AK9: variants seen among roughly 807,000 people sequenced by gnomAD.
The protein encoded by AK9 is adenylate kinase 9.
AK9 carries 191 observed loss-of-function variants against 239.6 expected under a neutral mutation model. The observed-to-expected ratio is 0.80, with a 90% CI of 0.71 to 0.90. The LOEUF (loss-of-function observed/expected upper bound fraction) is 0.90, where lower values mean the gene tolerates loss of function less well. AK9 is among the 40% of genes least tolerant of loss of function. The pLI is 0.00. For synonymous variants in AK9, 689 were observed against 721.0 expected, an observed-to-expected ratio of 0.96 and a Z score of 0.71; for missense variants, 1,995 against 2,214.7, an observed-to-expected ratio of 0.90 and a Z score of 1.99.
chr6:109,581,401 A>C (rs1788840425), intron 19 of AK9, among the ~76,000 whole-genome samples: 2 of 152,202 alleles, frequency 1.3e-5, no homozygotes, highest in Admixed American at 6.5e-5. Context: ...TCTTCAAGGA[A>C]ATTAAATGTG....
At chr6:109,589,704 T>C (rs570948925) in intron 17 of AK9, among the ~76,000 whole-genome samples, 1 of 152,278 alleles carries the variant, frequency 6.6e-6, no homozygotes, top group South Asian at 2.1e-4. Context: ...GTGGGTTTGT[T>C]ATATACGGCC....
chr6:109,654,363 G>C (rs1248013894), intron 8 of AK9, among the ~76,000 whole-genome samples: 1 of 151,766 alleles, frequency 6.6e-6, no homozygotes, highest in African/African-American at 2.4e-5. Context: ...TTTTGAGACG[G>C]AGTCTTGCTC....
chr6:109,568,263 T>C (rs1786877903), intron 21 of AK9, among the ~76,000 whole-genome samples: 1 of 152,176 alleles, frequency 6.6e-6, no homozygotes, highest in Non-Finnish European at 1.5e-5. Context: ...AAACTAGTTA[T>C]TGATGAGACG....
chr6:109,660,900 G>C (rs1800331712), intron 6 of AK9: 3 of 490,318 alleles, frequency 6.1e-6, no homozygotes, highest in Admixed American at 2.2e-5. Flanking sequence ...GATAACTACT[G>C]CTCTAGTAGA....
At position 109,614,186 on chromosome 6, in the gene AK9, C is replaced by A. The variant is rs1793892344; in HGVS notation, c.1606G>T (p.Asp536Tyr). ...GATTAGCAGTTCACTTTGTTACCATCTTTATCAACTTTAGCAGCTTGATCA... is the reference window on the plus strand; with the variant it reads ...GATTAGCAGTTCACTTTGTTACCATATTTATCAACTTTAGCAGCTTGATCA... ...LHDQAAKVDK[D>Y]DGKETGETFT... is the part of the protein sequence containing the mutation. The change falls in exon 15 of 41, where the codon GAT (aspartate) becomes TAT (tyrosine). Residue 536 changes from aspartate (D) to tyrosine (Y), a missense_variant. Transcript: ENST00000424296. 1 of 1,550,470 alleles carries A rather than the reference C, an allele frequency of 6.4e-7. No individual in the cohort carries two copies. The highest frequency in any genetic ancestry group is 8.7e-7 in the Non-Finnish European group (1 of 1,146,144).
At chr6:109,570,867 T>C (rs1339179518) in intron 21 of AK9, among the ~76,000 whole-genome samples, 1 of 152,126 alleles carries the variant, frequency 6.6e-6, no homozygotes, top group Non-Finnish European at 1.5e-5. Flanking sequence ...ATCATTCACA[T>C]ACCAGCAAAG....
intron 1 of AK9, among the ~76,000 whole-genome samples, chr6:109,686,805 G>A (rs1016098273): frequency 6.6e-6 from 1 of 152,200 alleles, no homozygotes; most frequent in East Asian, 1.9e-4. Context: ...GCAACTGGAA[G>A]TATCCACTAT....
In AK9 at chr6:109,579,638, A is replaced by C; in HGVS notation, c.2115-12T>G. 6.5e-7 allele frequency: 1 copy of C among 1,548,624 alleles called. No homozygotes were observed. The highest frequency in any genetic ancestry group is 8.7e-7 in the Non-Finnish European group (1 of 1,145,228). ...CTTCTGTGGCTTTTCTGAAATGAAA[A>C]GGTTCAAATTTAATTATCTTTGGAA... On this transcript the variant is annotated splice_polypyrimidine_tract_variant and intron_variant, in intron 19 of 40. Coordinates refer to ENST00000424296, the MANE Select transcript of AK9 (RefSeq NM_001145128.3).
intron 17 of AK9, among the ~76,000 whole-genome samples, chr6:109,602,096 G>T (rs373706078): frequency 3.3e-5 from 5 of 152,160 alleles, no homozygotes; most frequent in African/African-American, 1.2e-4. Context: ...ATATTGTTAT[G>T]TGTGAATTTG....
chr6:109,654,978 C>T (rs1302060449), intron 8 of AK9, among the ~76,000 whole-genome samples: 1 of 152,174 alleles, frequency 6.6e-6, no homozygotes, highest in Non-Finnish European at 1.5e-5. Context: ...CCTCCCTCAA[C>T]ATATAAGGCA....
In AK9 at chr6:109,614,543, G is replaced by A. The variant is rs971310041; in HGVS notation, c.1400-63C>T. 6.0e-6 allele frequency: 8 copies of A among 1,329,450 alleles called. No homozygotes were observed. The African/African-American group carries it at 1.2e-4, about 19-fold the overall frequency. The allele number at this position is 1,329,450 out of a possible 1,614,324, so 82.4% of individuals were successfully genotyped here. Reference sequence around the variant, plus strand: ...TTGGGGATAGAAAAACAGGTAGAGTGACCAAAAGCCCCTGCTTCAAAGTTA... The same window carrying A: ...TTGGGGATAGAAAAACAGGTAGAGTAACCAAAAGCCCCTGCTTCAAAGTTA... On this transcript the variant is annotated intron_variant, in intron 13 of 40. Transcript: ENST00000424296.
At chr6:109,539,279 T>G (rs1340809411) in intron 27 of AK9, among the ~76,000 whole-genome samples, 1 of 152,226 alleles carries the variant, frequency 6.6e-6, no homozygotes, top group Non-Finnish European at 1.5e-5. Flanking sequence ...TAGTCCCATA[T>G]TTCTTGGAGG....
intron 1 of AK9, among the ~76,000 whole-genome samples, chr6:109,679,709 C>T (rs1484847649): frequency 3.3e-5 from 5 of 152,124 alleles, no homozygotes; most frequent in South Asian, 2.1e-4. Flanking sequence ...GGAGAGCTCC[C>T]GCTGGCATCT....
chr6:109,675,808 G>A lies in AK9; in HGVS notation c.-11-52C>T, dbSNP rs1771632614. On this transcript the variant is annotated intron_variant, in intron 1 of 40. Coordinates refer to ENST00000424296, the MANE Select transcript of AK9 (RefSeq NM_001145128.3). Reference sequence around the variant, plus strand: ...AACTTGTCTAATTTGGTTGGATGAGGTGACTAGGAACAATTGAAATAACCT... The same window carrying A: ...AACTTGTCTAATTTGGTTGGATGAGATGACTAGGAACAATTGAAATAACCT... The A allele has an allele frequency of 3.8e-6, 4 of 1,053,066 alleles. No individual in the cohort carries two copies. In the African/African-American group the frequency reaches 5.0e-5, roughly 13 times the overall value. 65.2% of individuals were successfully genotyped at this position (1,053,066 alleles called of 1,614,324 possible). A position where few individuals can be genotyped will look rare whatever the true frequency, so the allele number is the denominator to read the frequency against.
rs1050154216 is a variant in AK9, at chr6:109,633,276, T to C, written c.981A>G (p.Arg327=). 3 of 1,608,900 alleles carry C rather than the reference T, an allele frequency of 1.9e-6. No individual in the cohort carries two copies. Among genetic ancestry groups the C allele is most frequent in the Non-Finnish European group, 1.7e-6 (2 of 1,179,050 alleles). ...CCCATTTACTTCTTTGCCATCTGTA[T>C]CTTGGTGCAATAAGTTTATAAGATG... The part of the protein sequence containing the change: ...TLASYKLIAP[R]YRWQRSKWGR... Residue 327 remains arginine, a synonymous_variant, in exon 11 of 41, where the codon AGA becomes AGG. Transcript: ENST00000424296.
intron 10 of AK9, among the ~76,000 whole-genome samples, chr6:109,634,749 C>T (rs961712116): frequency 1.3e-5 from 2 of 152,332 alleles, no homozygotes; most frequent in African/African-American, 2.4e-5. Context: ...CAGGCCTTCT[C>T]CACAGGGTTC....
At chr6:109,670,622 T>C (rs1416755395) in intron 5 of AK9, among the ~76,000 whole-genome samples, 1 of 152,146 alleles carries the variant, frequency 6.6e-6, no homozygotes, top group Non-Finnish European at 1.5e-5. Flanking sequence ...CTTTTGCCAA[T>C]ACTTATAATT....
At position 109,569,513 on chromosome 6, in the gene AK9, T is replaced by A. The variant is rs536526655; in HGVS notation, c.2344+3929A>T. Among the ~76,000 whole-genome samples the A allele has an allele frequency of 3.3e-5, 5 of 151,832 alleles. No individual in the cohort carries two copies. The South Asian group carries it at 1.0e-3, about 32-fold the overall frequency. ...AGGCAACCTACAGAATGGGAGAAAA[T>A]TTTTGCAATCTACCCATCTGACAAA... On this transcript the variant is annotated intron_variant, in intron 21 of 40. Coordinates refer to ENST00000424296, the MANE Select transcript of AK9 (RefSeq NM_001145128.3).
intron 29 of AK9, among the ~76,000 whole-genome samples, chr6:109,518,545 A>G (rs1779497941): frequency 6.6e-6 from 1 of 151,970 alleles, no homozygotes; most frequent in Non-Finnish European, 1.5e-5. Flanking sequence ...TAAAGAAATT[A>G]AATTATATAG....
Sources: gnomAD v4.1 joint callset for allele counts (sites outside exome capture counted in the v4.1 genomes callset) on GRCh38, gnomAD v4.1.1 for gene constraint, MANE v1.5 for transcripts, NCBI Gene and HGNC (gene_info 2026-07-23, HGNC 2026-07-21) for gene names.